Variants in GRM4 observed in about 807,000 individuals in gnomAD.
GRM4 encodes the protein metabotropic glutamate receptor 4.
A neutral mutation model predicts 81.7 loss-of-function variants in GRM4; 28 were observed. The observed-to-expected ratio is 0.34, with a 90% CI of 0.25 to 0.47. The LOEUF (loss-of-function observed/expected upper bound fraction) is 0.47. Among genes scored for constraint, GRM4 ranks in the 20% least tolerant of loss-of-function variants. The probability of loss-of-function intolerance (pLI) is 1.00; values close to 1 mark genes in which losing one functional copy is unlikely to be tolerated. For synonymous variants in GRM4, 488 were observed against 528.8 expected (o/e 0.92, Z 1.06); for missense variants, 948 against 1,290.0 (o/e 0.73, Z 4.06).
At chr6:34,050,875 C>A (rs1351970263) in intron 6 of GRM4, among the ~76,000 whole-genome samples, 2 of 152,230 alleles carry the variant, frequency 1.3e-5, no homozygotes, top group African/African-American at 2.4e-5. Flanking sequence ...GTCTGTCCCC[C>A]TCACTGAGCC....
At chr6:34,120,591 A>ACCAGCT (rs2127503599) in intron 2 of GRM4, among the ~76,000 whole-genome samples, 1 of 152,262 alleles carries the variant, frequency 6.6e-6, no homozygotes, top group South Asian at 2.1e-4. Flanking sequence ...GCAACCAGAG[A>ACCAGCT]CCTGGCTGTC....
rs1393655699 is a variant in GRM4 at position 34,044,707 on chromosome 6, GAC to G, written c.1169-3961_1169-3960del. 4.0e-4 allele frequency among the ~76,000 whole-genome samples: 36 copies of G among 89,000 alleles called. 1 individual carries two copies. Among genetic ancestry groups the G allele is most frequent in the Admixed American group, 1.6e-3 (15 of 9,448 alleles). The allele number at this position is 89,000 out of a possible 152,430, so 58.4% of individuals were successfully genotyped here. A position where few individuals can be genotyped will look rare whatever the true frequency, so the allele number is the denominator to read the frequency against. ...ACAGACATACATACACATATATACA[GAC>G]ACACACACATACACACACAGACATA... On this transcript the variant is annotated intron_variant, in intron 6 of 10. Transcript: ENST00000538487.
rs1764729441 is a variant in GRM4, at chr6:34,036,634, C to T, written c.1507-31G>A. The stretch of plus-strand genomic sequence containing the variant: ...AATGACAGCACCGTAAAGCAGGCCT[C>T]AGAACATGCCACCCGGTGCCCCGGA... On this transcript the variant is annotated intron_variant, in intron 8 of 10. Coordinates refer to ENST00000538487, the MANE Select transcript of GRM4 (RefSeq NM_000841.4). This position sits in a 1 kb window ranked among gnomAD's most constrained non-coding sequence, Gnocchi z 9.0. The T allele has an allele frequency of 6.4e-6, 8 of 1,247,896 alleles. No homozygotes were observed. Among genetic ancestry groups the T allele is most frequent in the Non-Finnish European group, 9.0e-6 (8 of 886,838 alleles). 77.3% of individuals were successfully genotyped at this position (1,247,896 alleles called of 1,614,324 possible).
chr6:34,130,902 C>T lies in GRM4; in HGVS notation c.519+2076G>A, dbSNP rs994099395. ...TCAGATAAAGAGAATACAGCAGCCT[C>T]CCTTGTGGGGTGGCCTTCCTGGAGG... On this transcript the variant is annotated intron_variant, in intron 2 of 10. Transcript: ENST00000538487. This position sits in a 1 kb window ranked among gnomAD's most constrained non-coding sequence, Gnocchi z 4.1. Among the ~76,000 whole-genome samples the T allele has an allele frequency of 5.3e-5, 8 of 152,266 alleles. No homozygotes were observed. Among genetic ancestry groups the T allele is most frequent in the African/African-American group, 1.9e-4 (8 of 41,468 alleles).
chr6:34,151,915 A>G (rs893591933), intron 1 of GRM4, among the ~76,000 whole-genome samples: 22 of 152,030 alleles, frequency 1.4e-4, no homozygotes, highest in Admixed American at 2.0e-4. Context: ...GTGAGTCCCA[A>G]TGTGGCAGGC....
intron 3 of GRM4, among the ~76,000 whole-genome samples, chr6:34,065,796 T>G (rs1173858432): frequency 6.6e-6 from 1 of 152,152 alleles, no homozygotes; most frequent in Non-Finnish European, 1.5e-5. Flanking sequence ...CTGGCCCAAG[T>G]TGGATGGAGA....
intron 2 of GRM4, among the ~76,000 whole-genome samples, chr6:34,131,495 G>C (rs1294002640): frequency 6.6e-6 from 1 of 152,100 alleles, no homozygotes; most frequent in Non-Finnish European, 1.5e-5. Flanking sequence ...TGCATACACA[G>C]GTGGGCGCAC....
chr6:34,061,915 A>C lies in GRM4; in HGVS notation c.850T>G (p.Phe284Val). ...ETSNARAVII[F>V]ANEDDIRRVL... ...CACCTGATGTCATCCTCGTTGGCAA[A>C]GATGATGACTGCCCTGGCGTTCGAA... Residue 284 changes from phenylalanine (F) to valine (V), a missense_variant, in exon 4 of 11, where the codon TTT becomes GTT. Transcript: ENST00000538487. The C allele has an allele frequency of 6.2e-7, 1 of 1,612,784 alleles. No homozygotes were observed. The highest frequency in any genetic ancestry group is 1.1e-5 in the South Asian group (1 of 90,928).
intron 3 of GRM4, among the ~76,000 whole-genome samples, chr6:34,075,332 TCAC>T (rs1343169460): frequency 6.6e-6 from 1 of 152,162 alleles, no homozygotes; most frequent in Non-Finnish European, 1.5e-5. Flanking sequence ...CCGCCTCACT[TCAC>T]CTCTACCACA....
chr6:34,143,294 C>T (rs1171653388), intron 1 of GRM4, among the ~76,000 whole-genome samples: 1 of 152,060 alleles, frequency 6.6e-6, no homozygotes. Flanking sequence ...ATCCTCAAAG[C>T]CCCCCGCCCA....
rs1052997370 is a variant in GRM4, at chr6:34,136,088, CA to C, written c.-363-2230del. Among the ~76,000 whole-genome samples the C allele has an allele frequency of 1.4e-4, 21 of 152,308 alleles. No homozygotes were observed. Among genetic ancestry groups the C allele is most frequent in the Middle Eastern group, 3.4e-3 (1 of 294 alleles). On this transcript the variant is annotated intron_variant, in intron 1 of 10. Coordinates refer to ENST00000538487, the MANE Select transcript of GRM4 (RefSeq NM_000841.4). This position sits in a 1 kb window ranked among gnomAD's most constrained non-coding sequence, Gnocchi z 4.1. ...ACGGTGCCTCGTGGAGAAATCACAGCAAAAGACAACCACTGCCATGTGCCAA... is the reference window on the plus strand; with the variant it reads ...ACGGTGCCTCGTGGAGAAATCACAGCAAAGACAACCACTGCCATGTGCCAA...
chr6:34,105,997 C>T (rs12525536), intron 2 of GRM4: 65,769 of 151,776 alleles, frequency 0.43, 15,918 homozygotes, highest in Non-Finnish European at 0.54. Flanking sequence ...GGCCCTTAGC[C>T]TCCTATTGGG....
At position 34,152,596 on chromosome 6, in the gene GRM4, C is replaced by A. The variant is rs971508134; in HGVS notation, c.312+2483G>T. Reference sequence around the variant, plus strand: ...CCACCTCCCAGCAACCGACCCATCACCTAGACCCCCCAAAGAGGACAAAGC... The same window carrying A: ...CCACCTCCCAGCAACCGACCCATCAACTAGACCCCCCAAAGAGGACAAAGC... On this transcript the variant is annotated intron_variant, in intron 1 of 8. Transcript: ENST00000374177. The surrounding 1 kb of genome is among the most constrained non-coding windows in gnomAD (Gnocchi z 4.1). Among the ~76,000 whole-genome samples the A allele has an allele frequency of 5.5e-4, 83 of 152,190 alleles. No homozygotes were observed. Among genetic ancestry groups the A allele is most frequent in the African/African-American group, 1.9e-3 (79 of 41,482 alleles).
At chr6:34,062,152 G>A in intron 3 of GRM4, 124 bp from the exon 4 acceptor site, 1 of 1,027,452 alleles carries the variant, frequency 9.7e-7, no homozygotes, top group African/African-American at 1.6e-5. Context: ...CTGACTCCCA[G>A]CCCTGGGATC....
rs1048270632 is a variant in GRM4 at position 34,047,109 on chromosome 6, C to T, written c.1169-6361G>A. Reference sequence around the variant, plus strand: ...GAATTCCGGATAGTAAGACTTACTTCGAGGGGCCACTGGGAGGACTGAGGG... The same window carrying T: ...GAATTCCGGATAGTAAGACTTACTTTGAGGGGCCACTGGGAGGACTGAGGG... On this transcript the variant is annotated intron_variant, in intron 6 of 10. Transcript: ENST00000538487. This position sits in a 1 kb window ranked among gnomAD's most constrained non-coding sequence, Gnocchi z 4.5. 5.9e-5 allele frequency among the ~76,000 whole-genome samples: 9 copies of T among 152,070 alleles called. No individual in the cohort carries two copies. Among genetic ancestry groups the T allele is most frequent in the Admixed American group, 2.6e-4 (4 of 15,284 alleles).
At chr6:34,076,039 G>A (rs976176647) in intron 3 of GRM4, among the ~76,000 whole-genome samples, 1 of 152,254 alleles carries the variant, frequency 6.6e-6, no homozygotes, top group Non-Finnish European at 1.5e-5. Flanking sequence ...CCACTCCATG[G>A]CAGGAGCCGA....
rs1365383029 is a variant in GRM4, at chr6:34,042,256, A to G, written c.1169-1508T>C. Among the ~76,000 whole-genome samples the G allele has an allele frequency of 6.6e-6, 1 of 152,114 alleles. No homozygotes were observed. The highest frequency in any genetic ancestry group is 1.5e-5 in the Non-Finnish European group (1 of 68,006). ...ACTCCAGCCTGAGCGACAGAGTGAG[A>G]CTCCATCTCAAAAAGAAACTGAAGC... On this transcript the variant is annotated intron_variant, in intron 6 of 10. Transcript: ENST00000538487. The surrounding 1 kb of genome is among the most constrained non-coding windows in gnomAD (Gnocchi z 4.2).
At chr6:34,071,275 CAG>C (rs996953862) in intron 3 of GRM4, among the ~76,000 whole-genome samples, 4 of 146,508 alleles carry the variant, frequency 2.7e-5, no homozygotes, top group African/African-American at 1.0e-4. Context: ...CACATCACCA[CAG>C]AGATACACAC....
At position 34,056,528 on chromosome 6, in the gene GRM4, C is replaced by CG; in HGVS notation, c.1168+15dup. 2 of 1,607,914 alleles carry CG rather than the reference C, an allele frequency of 1.2e-6. No individual in the cohort carries two copies. The highest frequency in any genetic ancestry group is 3.3e-5 in the Admixed American group (2 of 59,762). ...CTCCTAGAGCCCGCCCGGCCCTGCC[C>CG]GGCCCGCGTGCTCACTGGTGCACTT... On this transcript the variant is annotated intron_variant, in intron 6 of 10. Transcript: ENST00000538487.
Sources: allele counts gnomAD v4.1 joint callset (sites outside exome capture counted in the v4.1 genomes callset), GRCh38; gene constraint gnomAD v4.1.1; non-coding constraint Gnocchi (gnomAD v3.1); transcripts MANE v1.5; gene names NCBI Gene and HGNC (gene_info 2026-07-23, HGNC 2026-07-21).